Variants in GRIN2A observed in about 807,000 individuals in gnomAD.
GRIN2A encodes the protein glutamate receptor ionotropic, NMDA 2A.
In GRIN2A, 22 loss-of-function variants were observed where a neutral mutation model predicts 113.4. That is an observed-to-expected ratio of 0.19 (90% CI 0.14 to 0.28). GRIN2A has a LOEUF of 0.28. Ranked by LOEUF, GRIN2A falls within the 10% of genes least tolerant of loss-of-function variation. The pLI, the probability that GRIN2A is intolerant of heterozygous loss-of-function variation, is 1.00. For synonymous variants in GRIN2A, 827 were observed against 738.4 expected (o/e 1.12, Z -1.94); for missense variants, 1,502 against 1,887.0 (o/e 0.80, Z 3.78).
chr16:9,763,839 C>T lies in GRIN2A; in HGVS notation c.3705G>A (p.Lys1235=). ...TCCCCATCCGCAGGCAGGCATCGCACTTGAAGGGGGACCTCATGGTGAAGT... is the reference window on the plus strand; with the variant it reads ...TCCCCATCCGCAGGCAGGCATCGCATTTGAAGGGGGACCTCATGGTGAAGT... The part of the protein sequence containing the change: ...SGHFTMRSPF[K]CDACLRMGNL... The change falls in exon 13 of 13, where the codon AAG becomes AAA. Residue 1235 remains lysine (K), a synonymous_variant. Transcript: ENST00000330684. 6.2e-7 allele frequency: 1 copy of T among 1,614,122 alleles called. No individual in the cohort carries two copies.
chr16:10,061,256 A>C (rs1182081916), intron 2 of GRIN2A, among the ~76,000 whole-genome samples: 1 of 152,208 alleles, frequency 6.6e-6, no homozygotes, highest in Non-Finnish European at 1.5e-5. Context: ...GTACAACAGA[A>C]ATACAGGAAG....
intron 2 of GRIN2A, among the ~76,000 whole-genome samples, chr16:10,163,654 A>G (rs547556530): frequency 7.1e-6 from 1 of 141,666 alleles, no homozygotes; most frequent in East Asian, 2.1e-4. Context: ...CCCCATAACC[A>G]GCCACTAAAG....
intron 3 of GRIN2A, among the ~76,000 whole-genome samples, chr16:9,935,566 A>T (rs1327502152): frequency 7.4e-6 from 1 of 135,182 alleles, no homozygotes; most frequent in Non-Finnish European, 1.6e-5. Context: ...ACACTCCTCC[A>T]GCCCCAGTTC....
At chr16:10,149,810 G>A (rs1200251822) in intron 2 of GRIN2A, among the ~76,000 whole-genome samples, 1 of 152,176 alleles carries the variant, frequency 6.6e-6, no homozygotes, top group Admixed American at 6.5e-5. Flanking sequence ...CATAAATAAA[G>A]TTAGGTCAAT....
chr16:10,095,804 C>A (rs2142094715), intron 2 of GRIN2A, among the ~76,000 whole-genome samples: 1 of 152,166 alleles, frequency 6.6e-6, no homozygotes, highest in East Asian at 1.9e-4. Context: ...ATATCAAGAC[C>A]AACGGACATC....
intron 2 of GRIN2A, among the ~76,000 whole-genome samples, chr16:10,076,375 G>T (rs1293418410): frequency 1.3e-5 from 2 of 152,148 alleles, no homozygotes; most frequent in South Asian, 2.1e-4. Flanking sequence ...AAAACCCCTA[G>T]CCACAATGCC....
At chr16:9,863,252 C>T (rs115069013) in intron 4 of GRIN2A, among the ~76,000 whole-genome samples, 2 of 152,298 alleles carry the variant, frequency 1.3e-5, no homozygotes, top group South Asian at 2.1e-4. Flanking sequence ...ATAATTAGCA[C>T]CATGCAGCAC....
At chr16:9,879,537 C>A (rs2043437355) in intron 4 of GRIN2A, among the ~76,000 whole-genome samples, 2 of 152,196 alleles carry the variant, frequency 1.3e-5, no homozygotes, top group Non-Finnish European at 2.9e-5. Context: ...CTATTCCTCC[C>A]CATACCTCTC....
At chr16:9,806,605 G>A (rs760064283) in intron 10 of GRIN2A, among the ~76,000 whole-genome samples, 113 of 152,148 alleles carry the variant, frequency 7.4e-4, no homozygotes, top group Non-Finnish European at 1.1e-3. Flanking sequence ...GATCCAGATG[G>A]AAGGAGGTAC....
At chr16:9,920,864 G>GTATCACAA (rs2044346152) in intron 3 of GRIN2A, among the ~76,000 whole-genome samples, 1 of 152,164 alleles carries the variant, frequency 6.6e-6, no homozygotes, top group South Asian at 2.1e-4. Flanking sequence ...TTTGCACCCA[G>GTATCACAA]TATCACAATT....
At chr16:9,801,766 G>T (rs1261734870) in intron 10 of GRIN2A, among the ~76,000 whole-genome samples, 1 of 152,216 alleles carries the variant, frequency 6.6e-6, no homozygotes, top group Admixed American at 6.5e-5. Context: ...TGGGCTGGTG[G>T]TCATGCTGTC....
chr16:10,052,694 C>G (rs1327646094), intron 2 of GRIN2A, among the ~76,000 whole-genome samples: 1 of 152,128 alleles, frequency 6.6e-6, no homozygotes, highest in East Asian at 1.9e-4. Flanking sequence ...ATCACTAGAG[C>G]AAATTCCACC....
At chr16:10,023,883 T>C (rs2046770548) in intron 2 of GRIN2A, among the ~76,000 whole-genome samples, 2 of 152,206 alleles carry the variant, frequency 1.3e-5, no homozygotes, top group Non-Finnish European at 2.9e-5. Flanking sequence ...AACATTGCAG[T>C]GATGACACAT....
intron 12 of GRIN2A, among the ~76,000 whole-genome samples, chr16:9,766,097 C>T (rs773447175): frequency 2.4e-4 from 36 of 152,180 alleles, no homozygotes; most frequent in Non-Finnish European, 4.9e-4. Context: ...CAGATTTCAG[C>T]AGCCGTACCT....
chr16:9,816,137 A>G (rs183719124), intron 10 of GRIN2A, among the ~76,000 whole-genome samples: 6 of 152,300 alleles, frequency 3.9e-5, no homozygotes, highest in Non-Finnish European at 7.4e-5. Context: ...TGTTTAGTGG[A>G]TAGAGAGTTG....
intron 2 of GRIN2A, among the ~76,000 whole-genome samples, chr16:10,125,945 G>A (rs186975105): frequency 4.6e-4 from 70 of 152,134 alleles, no homozygotes; most frequent in African/African-American, 1.4e-3. Flanking sequence ...GGAAAACTGG[G>A]GGCCAGGAGG....
intron 4 of GRIN2A, among the ~76,000 whole-genome samples, chr16:9,858,845 T>C (rs2043012809): frequency 6.6e-6 from 1 of 152,188 alleles, no homozygotes; most frequent in African/African-American, 2.4e-5. Context: ...TTGCCAAGGC[T>C]GCAAAAGGCT....
At chr16:10,047,290 G>A (rs895082480) in intron 2 of GRIN2A, among the ~76,000 whole-genome samples, 1 of 152,182 alleles carries the variant, frequency 6.6e-6, no homozygotes, top group Admixed American at 6.5e-5. Context: ...CCGCTAGCTT[G>A]TGGATGTTAC....
At chr16:10,093,475 T>C (rs931921444) in intron 2 of GRIN2A, among the ~76,000 whole-genome samples, 5 of 152,162 alleles carry the variant, frequency 3.3e-5, no homozygotes, top group Admixed American at 3.3e-4. Flanking sequence ...ATCTACAGCA[T>C]CTCTCCTACA....
Sources: gnomAD v4.1 joint callset for allele counts (sites outside exome capture counted in the v4.1 genomes callset) on GRCh38, gnomAD v4.1.1 for gene constraint, MANE v1.5 for transcripts, NCBI Gene and HGNC (gene_info 2026-07-23, HGNC 2026-07-21) for gene names.